Variants in PCDH15 observed in about 807,000 individuals in gnomAD.
PCDH15 encodes protocadherin related 15, also known as protocadherin-15.
PCDH15 carries 129 observed loss-of-function variants against 178.5 expected under a neutral mutation model. The observed-to-expected ratio is 0.72, with a 90% CI of 0.63 to 0.84. The LOEUF (loss-of-function observed/expected upper bound fraction) is 0.84, where lower values mean the gene tolerates loss of function less well. PCDH15 is among the 40% of genes least tolerant of loss of function. The pLI, the probability that PCDH15 is intolerant of heterozygous loss-of-function variation, is 0.00. For missense variants in PCDH15, 2,230 were observed against 2,099.9 expected (o/e 1.06, Z -1.21); for synonymous variants, 800 against 732.0 (o/e 1.09, Z -1.50).
chr10:53,834,720 T>G (rs992493829), intron 29 of PCDH15, among the ~76,000 whole-genome samples: 1 of 152,194 alleles, frequency 6.6e-6, no homozygotes, highest in Non-Finnish European at 1.5e-5. Flanking sequence ...CATGCAAACA[T>G]GTATTTCTGC....
At chr10:53,944,306 C>A (rs184514949) in intron 23 of PCDH15, among the ~76,000 whole-genome samples, 3 of 152,230 alleles carry the variant, frequency 2.0e-5, no homozygotes, top group Non-Finnish European at 4.4e-5. Flanking sequence ...ATTTTTAAAG[C>A]AGATTAACTA....
At chr10:54,660,133 AG>A (rs2094468534) in intron 2 of PCDH15, among the ~76,000 whole-genome samples, 1 of 152,188 alleles carries the variant, frequency 6.6e-6, no homozygotes, top group South Asian at 2.1e-4. Flanking sequence ...AGATTAACAA[AG>A]CAAAAGTTGT....
chr10:54,855,034 G>C (rs1352837008), intron 3 of PCDH15, among the ~76,000 whole-genome samples: 3 of 152,202 alleles, frequency 2.0e-5, no homozygotes, highest in African/African-American at 7.2e-5. Context: ...CCAAAGTTTG[G>C]AAGGGGCTGA....
At chr10:54,395,617 C>T (rs572945296) in intron 3 of PCDH15, among the ~76,000 whole-genome samples, 1 of 151,472 alleles carries the variant, frequency 6.6e-6, no homozygotes, top group African/African-American at 2.4e-5. Flanking sequence ...TTTCCAAGAA[C>T]CTACTGATGA....
At chr10:54,505,769 C>T (rs2081117939) in intron 3 of PCDH15, among the ~76,000 whole-genome samples, 1 of 151,778 alleles carries the variant, frequency 6.6e-6, no homozygotes, top group Admixed American at 6.6e-5. Flanking sequence ...ACGTTCTGCA[C>T]GTGTACCCCA....
intron 25 of PCDH15, among the ~76,000 whole-genome samples, chr10:53,923,004 G>C (rs1401133076): frequency 2.0e-5 from 3 of 152,080 alleles, no homozygotes; most frequent in Non-Finnish European, 4.4e-5. Context: ...GGAGAATGGT[G>C]TGAACGTGGG....
intron 1 of PCDH15, among the ~76,000 whole-genome samples, chr10:55,295,552 G>A (rs768634493): frequency 9.2e-5 from 14 of 152,158 alleles, no homozygotes; most frequent in Non-Finnish European, 1.8e-4. Context: ...GAAATCTTTT[G>A]TATTAGGTAA....
At chr10:54,210,439 C>T (rs531413663) in intron 10 of PCDH15, among the ~76,000 whole-genome samples, 2 of 152,172 alleles carry the variant, frequency 1.3e-5, no homozygotes, top group East Asian at 1.9e-4. Flanking sequence ...GTTTTGCAAT[C>T]TGCCCTCCTG....
chr10:54,022,640 T>A (rs1048713710), intron 19 of PCDH15, among the ~76,000 whole-genome samples: 1 of 152,132 alleles, frequency 6.6e-6, no homozygotes, highest in Non-Finnish European at 1.5e-5. Flanking sequence ...TAAAAAACTA[T>A]TAAAAAGTAT....
intron 26 of PCDH15, among the ~76,000 whole-genome samples, chr10:53,876,200 T>G (rs1259473754): frequency 4.0e-5 from 2 of 49,560 alleles, no homozygotes; most frequent in African/African-American, 7.9e-4. Flanking sequence ...GTTTTTTTGT[T>G]TTTTTTTTGA....
chr10:54,428,530 A>G (rs1233927598), intron 3 of PCDH15, among the ~76,000 whole-genome samples: 1 of 152,222 alleles, frequency 6.6e-6, no homozygotes, highest in Non-Finnish European at 1.5e-5. Flanking sequence ...TTGCATCTGC[A>G]TTGTAGGTAA....
At chr10:55,618,438 A>G (rs1264670865) in intron 2 of PCDH15, among the ~76,000 whole-genome samples, 1 of 152,070 alleles carries the variant, frequency 6.6e-6, no homozygotes, top group Non-Finnish European at 1.5e-5. Flanking sequence ...TTAAATAAAT[A>G]TTCATATAGT....
chr10:55,002,044 AC>A (rs1839806721), intron 2 of PCDH15, among the ~76,000 whole-genome samples: 1 of 152,194 alleles, frequency 6.6e-6, no homozygotes, highest in Admixed American at 6.5e-5. Flanking sequence ...CAAGTGTCAC[AC>A]TAGCTTGAAG....
At position 53,810,486 on chromosome 10, in the gene PCDH15, G is replaced by A. The variant is rs910722894; in HGVS notation, c.4671+70C>T. The A allele has an allele frequency of 4.7e-5, 64 of 1,352,908 alleles. No homozygotes were observed. The Admixed American group carries it at 7.4e-4, about 16-fold the overall frequency. The allele number at this position is 1,352,908 out of a possible 1,614,324, so 83.8% of individuals were successfully genotyped here. A position where few individuals can be genotyped will look rare whatever the true frequency, so the allele number is the denominator to read the frequency against. ...CTAAAAGCTGAAATGTTCTACAGCCGCTAGTCACGTAGGGTTAAACAATAT... is the reference window on the plus strand; with the variant it reads ...CTAAAAGCTGAAATGTTCTACAGCCACTAGTCACGTAGGGTTAAACAATAT... On this transcript the variant is annotated intron_variant, in intron 37 of 37. Transcript: ENST00000644397.
intron 2 of PCDH15, among the ~76,000 whole-genome samples, chr10:55,026,051 T>C (rs1840468398): frequency 6.6e-6 from 1 of 151,976 alleles, no homozygotes; most frequent in African/African-American, 2.4e-5. Flanking sequence ...GAGATAAGCT[T>C]GTAATTGGTT....
intron 3 of PCDH15, among the ~76,000 whole-genome samples, chr10:54,878,140 T>C (rs112780243): frequency 3.9e-5 from 6 of 151,980 alleles, no homozygotes; most frequent in African/African-American, 1.4e-4. Flanking sequence ...TTTTTGTGTT[T>C]TTAGTAGAGA....
At chr10:55,161,872 T>C (rs1839075164) in intron 2 of PCDH15, among the ~76,000 whole-genome samples, 1 of 152,146 alleles carries the variant, frequency 6.6e-6, no homozygotes, top group Non-Finnish European at 1.5e-5. Context: ...AATTGCCTCA[T>C]CTGTTAATAT....
chr10:55,405,022 A>C (rs982914236), intron 2 of PCDH15, among the ~76,000 whole-genome samples: 2 of 151,542 alleles, frequency 1.3e-5, no homozygotes, highest in African/African-American at 2.4e-5. Flanking sequence ...GTTCAGAAAT[A>C]TGTTCTGAAC....
At chr10:54,542,804 A>G (rs1261581131) in intron 2 of PCDH15, among the ~76,000 whole-genome samples, 3 of 152,182 alleles carry the variant, frequency 2.0e-5, no homozygotes, top group Non-Finnish European at 1.5e-5. Flanking sequence ...CTAGGGCTCC[A>G]TAGGTGAAGA....
Sources: allele counts gnomAD v4.1 joint callset (sites outside exome capture counted in the v4.1 genomes callset), GRCh38; gene constraint gnomAD v4.1.1; transcripts MANE v1.5; gene names NCBI Gene and HGNC (gene_info 2026-07-23, HGNC 2026-07-21).